GLIPR1: variants seen among roughly 807,000 people sequenced by gnomAD.
The protein encoded by GLIPR1 is GLI pathogenesis related 1, also known as glioma pathogenesis-related protein 1.
GLIPR1 carries 38 observed loss-of-function variants against 30.3 expected under a neutral mutation model. That is an observed-to-expected ratio of 1.26 (90% CI 0.97 to 1.65). GLIPR1 has a LOEUF of 1.65. Ranked by LOEUF, GLIPR1 falls within the 40% of genes most tolerant of loss-of-function variation. The probability of loss-of-function intolerance (pLI) is 0.00; values close to 1 mark genes in which losing one functional copy is unlikely to be tolerated. For synonymous variants in GLIPR1, 122 were observed against 110.6 expected (o/e 1.10, Z -0.65); for missense variants, 285 against 326.5 (o/e 0.87, Z 0.98).
In GLIPR1 at chr12:75,480,965, G is replaced by A. The variant is rs760375651; in HGVS notation, c.85G>A (p.Glu29Lys). The change falls in exon 1 of 6, where the codon GAA becomes AAA. Residue 29 changes from glutamate to lysine, a missense_variant. Transcript: ENST00000266659. Reference sequence around the variant, plus strand: ...CACAGCAAATATTTTGCCAGATATCGAAAATGAAGATTTCATCAAAGACTG... The same window carrying A: ...CACAGCAAATATTTTGCCAGATATCAAAAATGAAGATTTCATCAAAGACTG... Reference protein sequence around the residue: ...SHTANILPDIENEDFIKDCVR... With the variant: ...SHTANILPDIKNEDFIKDCVR... The A allele has an allele frequency of 1.1e-5, 18 of 1,613,460 alleles. No individual in the cohort carries two copies. Among genetic ancestry groups the A allele is most frequent in the Admixed American group, 6.7e-5 (4 of 59,966 alleles).
rs1175114143 is a variant in GLIPR1, at chr12:75,501,624, A to G, written c.*2646A>G. The G allele has an allele frequency of 2.7e-6, 2 of 751,304 alleles. No individual in the cohort carries two copies. Among genetic ancestry groups the G allele is most frequent in the African/African-American group, 3.5e-5 (2 of 56,592 alleles). 46.5% of individuals were successfully genotyped at this position (751,304 alleles called of 1,614,324 possible). On this transcript the variant is annotated 3_prime_UTR_variant, in exon 6 of 6. Coordinates refer to ENST00000266659, the MANE Select transcript of GLIPR1 (RefSeq NM_006851.3). ...AATTAATGAAATGCTAAGAGAACTG[A>G]TGAAAAGATACAACTGTTTCTTAAA... is the stretch of plus-strand genomic sequence containing the variant.
At chr12:75,485,983 T>A (rs922208206) in intron 2 of GLIPR1, among the ~76,000 whole-genome samples, 3 of 151,984 alleles carry the variant, frequency 2.0e-5, no homozygotes, top group African/African-American at 7.3e-5. Context: ...AAGGGAGACA[T>A]CTTCCTTCCC....
At chr12:75,488,961 T>C (rs955826875) in intron 2 of GLIPR1, among the ~76,000 whole-genome samples, 1 of 152,264 alleles carries the variant, frequency 6.6e-6, no homozygotes, top group Non-Finnish European at 1.5e-5. Flanking sequence ...ACAGTTCTTA[T>C]GACAAAATTG....
At chr12:75,492,784 TA>T (rs2046330640) in intron 3 of GLIPR1, 1 of 152,198 alleles carries the variant, frequency 6.6e-6, no homozygotes, top group Non-Finnish European at 1.5e-5. Context: ...TCTCTGTCTT[TA>T]TGAGAGTAAT....
intron 3 of GLIPR1, 89 bp from the exon 4 acceptor site, chr12:75,495,488 T>C: frequency 2.8e-6 from 2 of 704,548 alleles, no homozygotes; most frequent in Non-Finnish European, 5.2e-6. Flanking sequence ...CACTCCACTA[T>C]TCTTCTGGAT....
chr12:75,486,917 A>G (rs10748280), intron 2 of GLIPR1, among the ~76,000 whole-genome samples: 129,121 of 152,076 alleles, frequency 0.85, 55,077 homozygotes, highest in East Asian at 0.94. Flanking sequence ...GTCAAAATTC[A>G]TAGAAATGTA....
intron 2 of GLIPR1, chr12:75,487,685 G>C: frequency 2.2e-6 from 1 of 448,242 alleles, no homozygotes; most frequent in East Asian, 7.0e-5. Context: ...TCTTGGAGAA[G>C]CTGAGACTCC....
intron 3 of GLIPR1, chr12:75,495,244 G>C (rs1318042510): frequency 5.7e-6 from 1 of 174,764 alleles, no homozygotes; most frequent in African/African-American, 2.4e-5. Context: ...TTAAATCCAG[G>C]TTTCCTCTGA....
At chr12:75,482,942 A>C (rs2046278101) in intron 2 of GLIPR1, among the ~76,000 whole-genome samples, 1 of 152,136 alleles carries the variant, frequency 6.6e-6, no homozygotes, top group Admixed American at 6.5e-5. Flanking sequence ...TTTGGGGCAC[A>C]AAAAATCAGT....
chr12:75,499,009 C>T lies in GLIPR1; in HGVS notation c.*31C>T. On this transcript the variant is annotated 3_prime_UTR_variant, in exon 6 of 6. Transcript: ENST00000266659. ...TTCAGGAAAGAAAAAACCCAAAAAC[C>T]AACCTCATTCACATATGGCTTTTTT... 1 of 1,471,148 alleles carries T rather than the reference C, an allele frequency of 6.8e-7. No homozygotes were observed. Among genetic ancestry groups the T allele is most frequent in the Non-Finnish European group, 9.1e-7 (1 of 1,099,590 alleles). 91.1% of individuals were successfully genotyped at this position (1,471,148 alleles called of 1,614,324 possible).
At chr12:75,488,532 C>T (rs1594057113) in intron 2 of GLIPR1, among the ~76,000 whole-genome samples, 1 of 151,982 alleles carries the variant, frequency 6.6e-6, no homozygotes, top group Non-Finnish European at 1.5e-5. Flanking sequence ...AGCAAAACTC[C>T]GTCTCAAAAA....
chr12:75,500,609 T>C lies in GLIPR1; in HGVS notation c.*1631T>C, dbSNP rs1300737168. 6.6e-6 allele frequency: 1 copy of C among 151,898 alleles called. No homozygotes were observed. The highest frequency in any genetic ancestry group is 2.1e-4 in the South Asian group (1 of 4,820). 9.4% of individuals were successfully genotyped at this position (151,898 alleles called of 1,614,324 possible). A position where few individuals can be genotyped will look rare whatever the true frequency, so the allele number is the denominator to read the frequency against. Reference sequence around the variant, plus strand: ...AACATTTTGGTAATAAAGACAATAATTTGAGAGTGTGTGGAAGTCCCCCTA... The same window carrying C: ...AACATTTTGGTAATAAAGACAATAACTTGAGAGTGTGTGGAAGTCCCCCTA... On this transcript the variant is annotated 3_prime_UTR_variant, in exon 6 of 6. Transcript: ENST00000266659.
rs150895640 is a variant in GLIPR1 at position 75,487,796 on chromosome 12, C to T, written c.421-2610C>T. On this transcript the variant is annotated intron_variant, in intron 2 of 5. Transcript: ENST00000266659. Reference sequence around the variant, plus strand: ...CAAGAGAGGGTTCTTGAATCTCGCGCGAGAAAATCCAGGGTGAGTCCGTAA... The same window carrying T: ...CAAGAGAGGGTTCTTGAATCTCGCGTGAGAAAATCCAGGGTGAGTCCGTAA... 5.2e-4 allele frequency: 238 copies of T among 456,066 alleles called. 1 individual carries two copies. The highest frequency in any genetic ancestry group is 2.3e-3 in the African/African-American group (117 of 50,114). The allele number at this position is 456,066 out of a possible 1,614,324, so 28.3% of individuals were successfully genotyped here.
chr12:75,501,460 T>A lies in GLIPR1; in HGVS notation c.*2482T>A. The A allele has an allele frequency of 2.8e-6, 1 of 351,454 alleles. No homozygotes were observed. The allele number at this position is 351,454 out of a possible 1,614,324, so 21.8% of individuals were successfully genotyped here. On this transcript the variant is annotated 3_prime_UTR_variant, in exon 6 of 6. Coordinates refer to ENST00000266659, the MANE Select transcript of GLIPR1 (RefSeq NM_006851.3). ...AGATGCACTGGCTGCCCTGGGTTTGTATCTTTCACAACAAAGAGTCTTTTC... is the reference window on the plus strand; with the variant it reads ...AGATGCACTGGCTGCCCTGGGTTTGAATCTTTCACAACAAAGAGTCTTTTC...
At position 75,501,802 on chromosome 12, in the gene GLIPR1, T is replaced by C. The variant is rs745641332; in HGVS notation, c.*2824T>C. 1 of 1,608,866 alleles carries C rather than the reference T, an allele frequency of 6.2e-7. No homozygotes were observed. ...TTTCCTCTTGTCTCTTACTGATGGC[T>C]TCTGCTTGTTTAGCCTACATTAATA... On this transcript the variant is annotated 3_prime_UTR_variant, in exon 6 of 6. Transcript: ENST00000266659.
Position 75,499,847 on chromosome 12 carries a change from T to A in GLIPR1, c.*869T>A. ...TTCTTTTTCTTTTCATCTGCCTCCA[T>A]CTTAAGTGCAATTTCTTCAGCTGTA... On this transcript the variant is annotated 3_prime_UTR_variant, in exon 6 of 6. Transcript: ENST00000266659. 1.2e-6 allele frequency: 2 copies of A among 1,607,868 alleles called. No homozygotes were observed.
At position 75,501,144 on chromosome 12, in the gene GLIPR1, T is replaced by C. The variant is rs1317538229; in HGVS notation, c.*2166T>C. The C allele has an allele frequency of 6.6e-6, 1 of 152,236 alleles. No homozygotes were observed. The highest frequency in any genetic ancestry group is 1.5e-5 in the Non-Finnish European group (1 of 68,146). The allele number at this position is 152,236 out of a possible 1,614,324, so 9.4% of individuals were successfully genotyped here. A position where few individuals can be genotyped will look rare whatever the true frequency, so the allele number is the denominator to read the frequency against. ...CAGGGGAAAAAAATGCAGAAGAGGA[T>C]GCATCAGAAGAAATGGCATGACAAT... On this transcript the variant is annotated 3_prime_UTR_variant, in exon 6 of 6. Coordinates refer to ENST00000266659, the MANE Select transcript of GLIPR1 (RefSeq NM_006851.3).
At chr12:75,487,667 C>G (rs2046299856) in intron 2 of GLIPR1, 1 of 438,380 alleles carries the variant, frequency 2.3e-6, no homozygotes, top group Non-Finnish European at 4.6e-6. Context: ...TTCTACCACA[C>G]CTTTAAATCT....
chr12:75,480,867 A>G lies in GLIPR1; in HGVS notation c.-14A>G, dbSNP rs767221379. 2.5e-6 allele frequency: 4 copies of G among 1,602,252 alleles called. No individual in the cohort carries two copies. Among genetic ancestry groups the G allele is most frequent in the Non-Finnish European group, 3.4e-6 (4 of 1,172,086 alleles). ...CTGGACTGCAGCCTCCCAAGGCTCC[A>G]TGCCAGACAAAGCATGCGTGTCACA... On this transcript the variant is annotated 5_prime_UTR_variant, in exon 1 of 6. It removes an upstream start codon present in the reference 5' UTR. Transcript: ENST00000266659.
Sources: gnomAD v4.1 joint callset for allele counts (sites outside exome capture counted in the v4.1 genomes callset) on GRCh38, gnomAD v4.1.1 for gene constraint, MANE v1.5 for transcripts, NCBI Gene and HGNC (gene_info 2026-07-23, HGNC 2026-07-21) for gene names.